Variants in NFIB observed in about 807,000 individuals in gnomAD.
NFIB encodes the protein nuclear factor 1 B-type.
Under a neutral mutation model 61.5 loss-of-function variants are expected in NFIB, and 11 were observed. The observed-to-expected ratio is 0.18, with a 90% CI of 0.11 to 0.30. NFIB has a LOEUF of 0.30. Among genes scored for constraint, NFIB ranks in the 10% least tolerant of loss-of-function variants. The pLI is 1.00. For missense variants in NFIB, 471 were observed against 608.9 expected, an observed-to-expected ratio of 0.77 and a Z score of 2.38; for synonymous variants, 260 against 216.5, an observed-to-expected ratio of 1.20 and a Z score of -1.76.
rs182401763 is a variant in NFIB, at chr9:14,165,922, G to C, written c.617-10029C>G. Among the ~76,000 whole-genome samples, 99 of 152,180 alleles carry C rather than the reference G, an allele frequency of 6.5e-4. 1 individual carries two copies. Among genetic ancestry groups the C allele is most frequent in the African/African-American group, 2.2e-3 (93 of 41,530 alleles). On this transcript the variant is annotated intron_variant, in intron 3 of 10. Transcript: ENST00000380953. ...TTTTGCAAGATGAAAAGTTTCTGGAGGTTGGTTGCACAATGACGTGAATAC... is the reference window on the plus strand; with the variant it reads ...TTTTGCAAGATGAAAAGTTTCTGGACGTTGGTTGCACAATGACGTGAATAC...
At chr9:14,093,296 G>A (rs923277643) in intron 10 of NFIB, among the ~76,000 whole-genome samples, 5 of 152,004 alleles carry the variant, frequency 3.3e-5, no homozygotes, top group African/African-American at 7.2e-5. Context: ...TCCAGTATAC[G>A]AATATTTTTC....
intron 2 of NFIB, among the ~76,000 whole-genome samples, chr9:14,229,028 G>GGA (rs1554680601): frequency 7.3e-6 from 1 of 136,432 alleles, no homozygotes. Flanking sequence ...GGTTTACAGG[G>GGA]AAAAAAAAAA....
intron 2 of NFIB, among the ~76,000 whole-genome samples, chr9:14,267,346 C>T (rs1237514319): frequency 6.6e-6 from 1 of 152,126 alleles, no homozygotes; most frequent in Admixed American, 6.5e-5. Context: ...CAGCAAAATG[C>T]TTCTTATAGA....
chr9:14,087,682 A>C lies in NFIB; in HGVS notation c.*627T>G, dbSNP rs891091544. 1 of 217,436 alleles carries C rather than the reference A, an allele frequency of 4.6e-6. No homozygotes were observed. Among genetic ancestry groups the C allele is most frequent in the Admixed American group, 5.8e-5 (1 of 17,250 alleles). 13.5% of individuals were successfully genotyped at this position (217,436 alleles called of 1,614,324 possible). A position where few individuals can be genotyped will look rare whatever the true frequency, so the allele number is the denominator to read the frequency against. ...TTTAATAAATCTGTACTGATAACTA[A>C]AGGCTACAGAGATTTCATATATTTT... On this transcript the variant is annotated 3_prime_UTR_variant, in exon 11 of 11. Coordinates refer to ENST00000380953, the MANE Select transcript of NFIB (RefSeq NM_001190737.2).
chr9:14,130,825 A>T (rs2040316680), intron 6 of NFIB, among the ~76,000 whole-genome samples: 2 of 152,238 alleles, frequency 1.3e-5, no homozygotes, highest in African/African-American at 2.4e-5. Context: ...AACCATAGCC[A>T]GTATATCTTA....
the NFIB span, among the ~76,000 whole-genome samples, chr9:14,426,772 C>G: frequency 1.3e-5 from 2 of 152,108 alleles, no homozygotes; most frequent in Non-Finnish European, 2.9e-5. Flanking sequence ...ATATGGGCCC[C>G]TCCCATATCA....
chr9:14,260,023 G>A (rs117926010), intron 2 of NFIB, among the ~76,000 whole-genome samples: 1 of 152,340 alleles, frequency 6.6e-6, no homozygotes, highest in East Asian at 1.9e-4. Context: ...ATTCGTGGTG[G>A]TACAAGTTTG....
chr9:14,417,786 T>TG, the NFIB span, among the ~76,000 whole-genome samples: 1 of 148,228 alleles, frequency 6.7e-6, no homozygotes, highest in South Asian at 2.2e-4. Flanking sequence ...TTTTTTTTTT[T>TG]TTTTTTTTTT....
chr9:14,430,427 T>C, the NFIB span, among the ~76,000 whole-genome samples: 1 of 152,116 alleles, frequency 6.6e-6, no homozygotes, highest in African/African-American at 2.4e-5. Context: ...AATAAACGGA[T>C]CCAGGGAATG....
At chr9:14,310,367 G>A (rs1255556798) in intron 1 of NFIB, among the ~76,000 whole-genome samples, 2 of 152,098 alleles carry the variant, frequency 1.3e-5, no homozygotes, top group Non-Finnish European at 2.9e-5. Context: ...TATTTGACAA[G>A]GGGACATATC....
At chr9:14,355,679 G>A (rs1454122581) in intron 1 of NFIB, among the ~76,000 whole-genome samples, 1 of 152,178 alleles carries the variant, frequency 6.6e-6, no homozygotes, top group Non-Finnish European at 1.5e-5. Context: ...TTGCCTGGCC[G>A]GCTGCAGTGG....
intron 1 of NFIB, among the ~76,000 whole-genome samples, chr9:14,360,318 C>T (rs2061223747): frequency 3.3e-5 from 5 of 152,188 alleles, no homozygotes; most frequent in Admixed American, 3.3e-4. Context: ...ATATTGAGGT[C>T]ACTAGCAGTA....
chr9:14,103,495 C>A (rs1026921869), intron 10 of NFIB, among the ~76,000 whole-genome samples: 1 of 152,012 alleles, frequency 6.6e-6, no homozygotes, highest in Non-Finnish European at 1.5e-5. Flanking sequence ...CAGATGATGA[C>A]TGGAACCAAA....
At chr9:14,252,380 T>A (rs946965167) in intron 2 of NFIB, among the ~76,000 whole-genome samples, 1 of 152,208 alleles carries the variant, frequency 6.6e-6, no homozygotes, top group Non-Finnish European at 1.5e-5. Flanking sequence ...CTTTAAAATA[T>A]GACATTTAAA....
intron 5 of NFIB, among the ~76,000 whole-genome samples, chr9:14,147,489 TA>T (rs1282937467): frequency 2.6e-5 from 4 of 151,878 alleles, no homozygotes; most frequent in African/African-American, 9.7e-5. Flanking sequence ...TCATTAATAA[TA>T]AAAAATTATA....
chr9:14,531,316 C>A, the NFIB span, among the ~76,000 whole-genome samples: 1 of 152,192 alleles, frequency 6.6e-6, no homozygotes, highest in Non-Finnish European at 1.5e-5. Flanking sequence ...CAAACCCACA[C>A]ACATTTGCCT....
At chr9:14,467,333 G>C in the NFIB span, among the ~76,000 whole-genome samples, 61 of 152,122 alleles carry the variant, frequency 4.0e-4, 1 homozygote, top group African/African-American at 1.3e-3. Flanking sequence ...CACAGGGTCT[G>C]GCCAGGTCAC....
the NFIB span, among the ~76,000 whole-genome samples, chr9:14,450,260 G>A: frequency 6.6e-6 from 1 of 152,010 alleles, no homozygotes; most frequent in African/African-American, 2.4e-5. Flanking sequence ...AAGAATGATG[G>A]TTTCATTCTC....
chr9:14,124,425 A>G (rs928975306), intron 7 of NFIB, among the ~76,000 whole-genome samples: 2 of 152,188 alleles, frequency 1.3e-5, no homozygotes, highest in Non-Finnish European at 2.9e-5. Context: ...TTTTTTAATG[A>G]TAGCAATAAA....
Sources: gnomAD v4.1 joint callset for allele counts (sites outside exome capture counted in the v4.1 genomes callset) on GRCh38, gnomAD v4.1.1 for gene constraint, MANE v1.5 for transcripts, NCBI Gene and HGNC (gene_info 2026-07-23, HGNC 2026-07-21) for gene names.